Variants in ZMYM5 observed in about 807,000 individuals in gnomAD.
The protein encoded by ZMYM5 is zinc finger MYM-type protein 5.
ZMYM5 carries 41 observed loss-of-function variants against 61.8 expected under a neutral mutation model. That is an observed-to-expected ratio of 0.66 (90% CI 0.52 to 0.86). The LOEUF (loss-of-function observed/expected upper bound fraction) is 0.86, where lower values mean the gene tolerates loss of function less well. ZMYM5 is among the 40% of genes least tolerant of loss of function. The pLI is 0.00. For synonymous variants in ZMYM5, 257 were observed against 276.4 expected (o/e 0.93, Z 0.70); for missense variants, 706 against 786.7 (o/e 0.90, Z 1.23).
intron 6 of ZMYM5, 24 bp downstream of exon 6, chr13:19,837,632 C>T (rs751258837): frequency 6.3e-7 from 1 of 1,598,712 alleles, no homozygotes; most frequent in South Asian, 1.1e-5. Context: ...GCCTAAACAA[C>T]AACTTAGGTA....
chr13:19,862,245 T>C (rs1326169877), intron 2 of ZMYM5, among the ~76,000 whole-genome samples, 154 bp downstream of exon 2: 1 of 152,062 alleles, frequency 6.6e-6, no homozygotes, highest in Non-Finnish European at 1.5e-5. Context: ...GGGACTACCA[T>C]GGCTTGGCTC....
At chr13:19,840,234 T>C (rs964865557) in intron 4 of ZMYM5, among the ~76,000 whole-genome samples, 2 of 152,182 alleles carry the variant, frequency 1.3e-5, no homozygotes, top group Non-Finnish European at 2.9e-5. Flanking sequence ...GGCCAGAGGT[T>C]TAAGACTCAG....
intron 2 of ZMYM5, among the ~76,000 whole-genome samples, chr13:19,856,401 G>C (rs997268801): frequency 2.0e-5 from 3 of 152,190 alleles, no homozygotes; most frequent in African/African-American, 7.2e-5. Flanking sequence ...AGCACTTTGG[G>C]AGGCTGAGGC....
intron 7 of ZMYM5, among the ~76,000 whole-genome samples, chr13:19,828,437 G>A (rs1478569226): frequency 2.6e-5 from 4 of 152,130 alleles, no homozygotes; most frequent in Non-Finnish European, 5.9e-5. Context: ...TCGTGCCATT[G>A]CACTCCAGCC....
At chr13:19,837,973 T>C in intron 5 of ZMYM5, 152 bp from the exon 6 acceptor site, 1 of 859,704 alleles carries the variant, frequency 1.2e-6, no homozygotes, top group Non-Finnish European at 1.7e-6. Flanking sequence ...CTTTTGGCTT[T>C]ATTGCCAAGA....
chr13:19,837,969 G>A, intron 5 of ZMYM5, 148 bp from the exon 6 acceptor site: 5 of 888,022 alleles, frequency 5.6e-6, no homozygotes, highest in Non-Finnish European at 8.1e-6. Context: ...TCCACTTTTG[G>A]CTTTATTGCC....
chr13:19,834,291 A>T (rs4371019), intron 7 of ZMYM5, among the ~76,000 whole-genome samples: 137,590 of 150,634 alleles, frequency 0.91, 64,071 homozygotes, highest in Non-Finnish European at 1. Context: ...TTTTTCTTTT[A>T]AAAAAAAAAC....
chr13:19,849,806 C>G (rs1355038826), intron 4 of ZMYM5, among the ~76,000 whole-genome samples: 1 of 151,806 alleles, frequency 6.6e-6, no homozygotes, highest in Non-Finnish European at 1.5e-5. Flanking sequence ...ATAGTGAAAC[C>G]CCATCTCTAC....
At chr13:19,841,404 C>A (rs746032317) in intron 4 of ZMYM5, among the ~76,000 whole-genome samples, 1 of 152,202 alleles carries the variant, frequency 6.6e-6, no homozygotes, top group Non-Finnish European at 1.5e-5. Context: ...AGCTTCTCTG[C>A]AGCCTTTTCT....
In ZMYM5 at chr13:19,823,714, T is replaced by G. The variant is rs1384250943; in HGVS notation, c.*763A>C. The G allele has an allele frequency of 6.6e-6, 1 of 152,214 alleles. No individual in the cohort carries two copies. Among genetic ancestry groups the G allele is most frequent in the Non-Finnish European group, 1.5e-5 (1 of 68,040 alleles). The allele number at this position is 152,214 out of a possible 1,614,324, so 9.4% of individuals were successfully genotyped here. ...CAAAAAGCTGTAGTTTCAGATCCCA[T>G]TCTGTAAACTGAGTAGTTTTACTTT... is the stretch of plus-strand genomic sequence containing the variant. On this transcript the variant is annotated 3_prime_UTR_variant, in exon 8 of 8. Coordinates refer to ENST00000337963, the MANE Select transcript of ZMYM5 (RefSeq NM_001142684.2).
At chr13:19,840,861 T>A (rs1377448076) in intron 4 of ZMYM5, among the ~76,000 whole-genome samples, 1 of 151,998 alleles carries the variant, frequency 6.6e-6, no homozygotes, top group Non-Finnish European at 1.5e-5. Context: ...GTATTTTTAG[T>A]AGAGACGGGG....
chr13:19,831,409 G>A (rs1454934814), intron 7 of ZMYM5, among the ~76,000 whole-genome samples: 1 of 151,970 alleles, frequency 6.6e-6, no homozygotes, highest in Non-Finnish European at 1.5e-5. Context: ...ACAGGTGTGA[G>A]CCACTGTGCC....
At chr13:19,831,586 A>C (rs1013033359) in intron 7 of ZMYM5, among the ~76,000 whole-genome samples, 20 of 151,786 alleles carry the variant, frequency 1.3e-4, no homozygotes, top group Admixed American at 6.6e-5. Flanking sequence ...ACCTGAAGTC[A>C]GGAGTTCAAG....
At chr13:19,851,037 T>C (rs1953272249) in intron 4 of ZMYM5, among the ~76,000 whole-genome samples, 1 of 151,984 alleles carries the variant, frequency 6.6e-6, no homozygotes, top group Admixed American at 6.6e-5. Flanking sequence ...GGTGAAACCC[T>C]ATCTCTACTA....
chr13:19,837,345 C>T (rs193051488), intron 6 of ZMYM5: 2 of 1,182,220 alleles, frequency 1.7e-6, no homozygotes, highest in South Asian at 3.5e-5. Context: ...CAGCCCTTGA[C>T]CCCCAACTCT....
intron 2 of ZMYM5, among the ~76,000 whole-genome samples, chr13:19,862,062 G>A (rs1246316237): frequency 6.6e-6 from 1 of 152,114 alleles, no homozygotes; most frequent in Non-Finnish European, 1.5e-5. Flanking sequence ...CAAAACAACA[G>A]ATTATTCAGT....
chr13:19,834,317 T>G (rs954357974), intron 7 of ZMYM5, among the ~76,000 whole-genome samples: 1 of 150,160 alleles, frequency 6.7e-6, no homozygotes, highest in East Asian at 2.0e-4. Flanking sequence ...AAAAAAAATT[T>G]TTTTCCAAAT....
At chr13:19,840,611 C>A (rs1281777622) in intron 4 of ZMYM5, among the ~76,000 whole-genome samples, 2 of 152,062 alleles carry the variant, frequency 1.3e-5, no homozygotes, top group Admixed American at 6.6e-5. Flanking sequence ...TGGACTCAAG[C>A]GATCTTCCTG....
At chr13:19,851,601 T>C (rs1953298782) in intron 3 of ZMYM5, 88 bp downstream of exon 3, 1 of 1,545,904 alleles carries the variant, frequency 6.5e-7, no homozygotes. Context: ...ACAGAGCTTA[T>C]ACCTGTTTCT....
Sources: gnomAD v4.1 joint callset for allele counts (sites outside exome capture counted in the v4.1 genomes callset) on GRCh38, gnomAD v4.1.1 for gene constraint, MANE v1.5 for transcripts, NCBI Gene and HGNC (gene_info 2026-07-23, HGNC 2026-07-21) for gene names.